Variants in SLC6A5 observed in about 807,000 individuals in gnomAD.
The protein encoded by SLC6A5 is sodium- and chloride-dependent glycine transporter 2.
In SLC6A5, 58 loss-of-function variants were observed where a neutral mutation model predicts 90.5. The ratio of observed to expected loss-of-function variants is 0.64; its 90% CI spans 0.52 to 0.80. The LOEUF is 0.80. SLC6A5 is among the 30% of genes least tolerant of loss of function. SLC6A5 has a pLI of 0.00. For synonymous variants in SLC6A5, 427 were observed against 401.4 expected (o/e 1.06, Z -0.76); for missense variants, 1,015 against 1,017.6 (o/e 1.00, Z 0.03).
intron 13 of SLC6A5, among the ~76,000 whole-genome samples, chr11:20,639,287 G>A (rs933499630): frequency 1.3e-5 from 2 of 152,030 alleles, no homozygotes; most frequent in Non-Finnish European, 2.9e-5. Flanking sequence ...AGGCCCTACT[G>A]ACTTCTTTCT....
In SLC6A5 at chr11:20,652,425, A is replaced by G; in HGVS notation, c.2207A>G (p.Lys736Arg). ...TGGATCCCAATTATGTTTGTGATAA[A>G]AATGCATCTGGCCCCTGGAAGATTT... is the stretch of plus-strand genomic sequence containing the variant. Reference protein sequence around the residue: ...VIWIPIMFVIKMHLAPGRFIE... With the variant: ...VIWIPIMFVIRMHLAPGRFIE... Residue 736 changes from lysine to arginine, a missense_variant, in exon 15 of 16, where the codon AAA (lysine) becomes AGA (arginine). Lys to Arg is a conservative substitution (Grantham distance 26, BLOSUM62 2). Around this residue, in one of 3 missense-constraint regions of SLC6A5, gnomAD observed 442 missense variants for 494.3 expected, o/e 0.89. Coordinates refer to ENST00000525748, the MANE Select transcript of SLC6A5 (RefSeq NM_004211.5). 6.2e-7 allele frequency: 1 copy of G among 1,614,132 alleles called. No homozygotes were observed. The highest frequency in any genetic ancestry group is 8.5e-7 in the Non-Finnish European group (1 of 1,180,012).
chr11:20,626,785 T>G lies in SLC6A5; in HGVS notation c.1338T>G (p.Ala446=), dbSNP rs766390257. The G allele has an allele frequency of 1.9e-5, 31 of 1,613,966 alleles. No individual in the cohort carries two copies. The highest frequency in any genetic ancestry group is 4.4e-5 in the South Asian group (4 of 91,074). The change falls in exon 8 of 16, where the codon GCT becomes GCG. Residue 446 remains alanine, a synonymous_variant. Coordinates refer to ENST00000525748, the MANE Select transcript of SLC6A5 (RefSeq NM_004211.5). ...LLIRGVTLPG[A]GAGIWYFITP... Reference sequence around the variant, plus strand: ...TCCGAGGAGTCACCCTGCCTGGAGCTGGAGCTGGGATCTGGTACTTCATCA... The same window carrying G: ...TCCGAGGAGTCACCCTGCCTGGAGCGGGAGCTGGGATCTGGTACTTCATCA...
At chr11:20,600,710 T>G (rs1852454102) in intron 1 of SLC6A5, among the ~76,000 whole-genome samples, 1 of 152,176 alleles carries the variant, frequency 6.6e-6, no homozygotes, top group Non-Finnish European at 1.5e-5. Context: ...AAAAAGGCAG[T>G]GTGCATTGTT....
chr11:20,630,746 G>A lies in SLC6A5; in HGVS notation c.1555G>A (p.Val519Ile), dbSNP rs570442943. The change falls in exon 10 of 16, where the codon GTC becomes ATC. Residue 519 changes from valine to isoleucine, a missense_variant. Physicochemically the swap from Val to Ile is conservative, Grantham distance 29. Around this residue, in one of 3 missense-constraint regions of SLC6A5, gnomAD observed 442 missense variants for 494.3 expected, o/e 0.89. Coordinates refer to ENST00000525748, the MANE Select transcript of SLC6A5 (RefSeq NM_004211.5). Reference sequence around the variant, plus strand: ...TGCCACAAGCATCTTTGCCGGCTTCGTCATCTTCTCCGTTATCGGCTTCAT... The same window carrying A: ...TGCCACAAGCATCTTTGCCGGCTTCATCATCTTCTCCGTTATCGGCTTCAT... ...NSATSIFAGF[V>I]IFSVIGFMAN... 21 of 1,614,146 alleles carry A rather than the reference G, an allele frequency of 1.3e-5. No individual in the cohort carries two copies. The highest frequency in any genetic ancestry group is 1.6e-4 in the Middle Eastern group (1 of 6,062).
At chr11:20,646,556 G>T (rs1285700258) in intron 13 of SLC6A5, among the ~76,000 whole-genome samples, 1 of 152,190 alleles carries the variant, frequency 6.6e-6, no homozygotes, top group Non-Finnish European at 1.5e-5. Context: ...TCTGGGCCAG[G>T]CTGGAACTGA....
At chr11:20,644,316 CGTAA>C (rs773543681) in intron 13 of SLC6A5, among the ~76,000 whole-genome samples, 77 of 152,136 alleles carry the variant, frequency 5.1e-4, no homozygotes, top group African/African-American at 1.5e-3. Context: ...AGATTCCACA[CGTAA>C]GTGAGAACAT....
Position 20,604,324 on chromosome 11 carries a change from C to G in SLC6A5, c.579C>G (p.Asn193Lys). 6.2e-7 allele frequency: 1 copy of G among 1,613,830 alleles called. No homozygotes were observed. The highest frequency in any genetic ancestry group is 8.5e-7 in the Non-Finnish European group (1 of 1,179,828). ...GGGATGAGAATAAGGCCCGAGGGAA[C>G]TGGTCCAGCAAACTGGACTTCATCC... ...EQGDENKARG[N>K]WSSKLDFILS... The change falls in exon 3 of 16, where the codon AAC becomes AAG. Residue 193 changes from asparagine (N) to lysine (K), a missense_variant. Transcript: ENST00000525748.
At chr11:20,631,824 G>T (rs1009009823) in intron 10 of SLC6A5, among the ~76,000 whole-genome samples, 13 of 152,204 alleles carry the variant, frequency 8.5e-5, no homozygotes, top group Admixed American at 7.9e-4. Context: ...TAATGGCTCA[G>T]ATGTGGTGAG....
intron 14 of SLC6A5, among the ~76,000 whole-genome samples, chr11:20,648,288 T>G (rs1044466961): frequency 6.6e-6 from 1 of 152,226 alleles, no homozygotes; most frequent in Non-Finnish European, 1.5e-5. Flanking sequence ...TTTTTTTCTT[T>G]CTTTCTTCTT....
chr11:20,626,813 C>T lies in SLC6A5; in HGVS notation c.1366C>T (p.Pro456Ser), dbSNP rs151291192. 1 of 1,614,020 alleles carries T rather than the reference C, an allele frequency of 6.2e-7. No homozygotes were observed. Residue 456 changes from proline (P) to serine (S), a missense_variant, in exon 8 of 16, where the codon CCC becomes TCC. This residue lies in a region of SLC6A5 where 442 missense variants were observed against 494.3 expected (regional missense o/e 0.89). Transcript: ENST00000525748. The stretch of plus-strand genomic sequence containing the variant: ...AGCTGGGATCTGGTACTTCATCACA[C>T]CCAAGTGGGAGAAACTCACGGATGC... The part of the protein sequence containing the change: ...AGAGIWYFIT[P>S]KWEKLTDATV...
At chr11:20,612,040 A>C (rs1852703695) in intron 5 of SLC6A5, among the ~76,000 whole-genome samples, 1 of 152,062 alleles carries the variant, frequency 6.6e-6, no homozygotes, top group Admixed American at 6.6e-5. Context: ...ACTTTATCTG[A>C]CCCCAAATGC....
chr11:20,603,397 G>T (rs151067181), intron 2 of SLC6A5, among the ~76,000 whole-genome samples: 54 of 152,310 alleles, frequency 3.5e-4, no homozygotes, highest in African/African-American at 1.1e-3. Flanking sequence ...TGAGCTTGAA[G>T]AAATGAGCTT....
At position 20,642,190 on chromosome 11, in the gene SLC6A5, C is replaced by T. The variant is rs550097361; in HGVS notation, c.1969+3632C>T. 4.2e-5 allele frequency among the ~76,000 whole-genome samples: 6 copies of T among 143,084 alleles called. No individual in the cohort carries two copies. In the East Asian group the frequency reaches 1.2e-3, roughly 29 times the overall value. 93.9% of individuals were successfully genotyped at this position (143,084 alleles called of 152,430 possible). The stretch of plus-strand genomic sequence containing the variant: ...GAGCGCTAAACCAGGTGTGGTTCCT[C>T]TCTGAGCACAGAGATCTGTGTGCTC... On this transcript the variant is annotated intron_variant, in intron 13 of 15. Coordinates refer to ENST00000525748, the MANE Select transcript of SLC6A5 (RefSeq NM_004211.5).
chr11:20,631,928 G>T (rs1853116631), intron 10 of SLC6A5, among the ~76,000 whole-genome samples: 2 of 152,140 alleles, frequency 1.3e-5, no homozygotes, highest in Admixed American at 6.5e-5. Context: ...CATGCTGATG[G>T]TGCACCAGGG....
intron 7 of SLC6A5, among the ~76,000 whole-genome samples, chr11:20,624,221 T>C (rs1852947191): frequency 6.6e-6 from 1 of 151,688 alleles, no homozygotes; most frequent in East Asian, 1.9e-4. Context: ...TGGTGTGATA[T>C]TGGCTCACTG....
At chr11:20,607,680 G>A (rs1852611770) in intron 5 of SLC6A5, 28 bp downstream of exon 5, 1 of 1,572,568 alleles carries the variant, frequency 6.4e-7, no homozygotes, top group Admixed American at 1.7e-5. Flanking sequence ...TGCTTTAGGT[G>A]TGTGTATTCT....
rs569061736 is a variant in SLC6A5, at chr11:20,657,312, T to C, written c.*2444T>C. On this transcript the variant is annotated 3_prime_UTR_variant, in exon 16 of 16. Transcript: ENST00000525748. ...CGGAGACCTCATCACTAGCTGCATG[T>C]TTTGGATTTGGGGGCATTTACATTT... is the stretch of plus-strand genomic sequence containing the variant. The C allele has an allele frequency of 6.6e-6, 1 of 152,328 alleles. No homozygotes were observed. The highest frequency in any genetic ancestry group is 1.9e-4 in the East Asian group (1 of 5,176). 9.4% of individuals were successfully genotyped at this position (152,328 alleles called of 1,614,324 possible).
chr11:20,646,709 T>G, intron 13 of SLC6A5, 125 bp from the exon 14 acceptor site: 2 of 725,542 alleles, frequency 2.8e-6, no homozygotes, highest in Non-Finnish European at 2.5e-6. Flanking sequence ...GAGGTCATGT[T>G]GATACAGGGC....
chr11:20,605,279 G>A (rs1032264902), intron 3 of SLC6A5, among the ~76,000 whole-genome samples: 6 of 152,180 alleles, frequency 3.9e-5, no homozygotes, highest in Non-Finnish European at 8.8e-5. Flanking sequence ...TCACCCCATA[G>A]GTCAGGCAGT....
Sources: allele counts gnomAD v4.1 joint callset (sites outside exome capture counted in the v4.1 genomes callset), GRCh38; gene constraint gnomAD v4.1.1; regional missense constraint gnomAD v4.1.1; transcripts MANE v1.5; gene names NCBI Gene and HGNC (gene_info 2026-07-23, HGNC 2026-07-21).